DIS3L2: variants seen among roughly 807,000 people sequenced by gnomAD.
DIS3L2 encodes the protein DIS3 like 3'-5' exoribonuclease 2.
A neutral mutation model predicts 97.5 loss-of-function variants in DIS3L2; 34 were observed. The observed-to-expected ratio is 0.35, with a 90% confidence interval of 0.27 to 0.46. The LOEUF (loss-of-function observed/expected upper bound fraction) is 0.46, where lower values mean the gene tolerates loss of function less well. DIS3L2 is among the 20% of genes least tolerant of loss of function. DIS3L2 has a pLI of 1.00. For missense variants in DIS3L2, 1,038 were observed against 1,146.0 expected (o/e 0.91, Z 1.36); for synonymous variants, 435 against 445.2 (o/e 0.98, Z 0.29).
Position 232,211,399 on chromosome 2 carries a change from G to A in DIS3L2, c.1204+994G>A, listed in dbSNP as rs550834457. ...GGGCTCAAGTGATCCATCCACCTCA[G>A]CTTCCCAAAGTTCTGGCATCACAGG... On this transcript the variant is annotated intron_variant, in intron 10 of 20. Coordinates refer to ENST00000325385, the MANE Select transcript of DIS3L2 (RefSeq NM_152383.5). Among the ~76,000 whole-genome samples, 5 of 152,308 alleles carry A rather than the reference G, an allele frequency of 3.3e-5. No individual in the cohort carries two copies. The East Asian group carries it at 7.7e-4, about 24-fold the overall frequency.
At chr2:232,244,623 T>C (rs2106259146) in intron 11 of DIS3L2, among the ~76,000 whole-genome samples, 1 of 152,214 alleles carries the variant, frequency 6.6e-6, no homozygotes, top group South Asian at 2.1e-4. Context: ...AGGGCACACA[T>C]GTAAAGTGAG....
intron 9 of DIS3L2, among the ~76,000 whole-genome samples, chr2:232,207,829 A>G (rs1692072076): frequency 6.6e-6 from 1 of 152,210 alleles, no homozygotes; most frequent in African/African-American, 2.4e-5. Context: ...ATGTACAAAC[A>G]ATATATTTAC....
rs546189825 is a variant in DIS3L2 at position 232,336,879 on chromosome 2, GC to G, written c.*255del. The stretch of plus-strand genomic sequence containing the variant: ...AGGCCCCAGTCCTCCTGGGAGGCTG[GC>G]CCCCCTTTTTTCTGGGCCCTACTGC... On this transcript the variant is annotated 3_prime_UTR_variant, in exon 21 of 21. Coordinates refer to ENST00000325385, the MANE Select transcript of DIS3L2 (RefSeq NM_152383.5). The G allele has an allele frequency of 1.4e-4, 186 of 1,326,876 alleles. 1 individual carries two copies. The South Asian group carries it at 2.8e-3, about 20-fold the overall frequency. The allele number at this position is 1,326,876 out of a possible 1,614,324, so 82.2% of individuals were successfully genotyped here. A position where few individuals can be genotyped will look rare whatever the true frequency, so the allele number is the denominator to read the frequency against.
chr2:232,195,909 G>C (rs1305649759), intron 9 of DIS3L2, among the ~76,000 whole-genome samples: 1 of 152,070 alleles, frequency 6.6e-6, no homozygotes, highest in Non-Finnish European at 1.5e-5. Flanking sequence ...CCCAGGCAAG[G>C]GGGGAGTTTG....
intron 13 of DIS3L2, among the ~76,000 whole-genome samples, chr2:232,299,220 C>T (rs749544391): frequency 3.9e-5 from 6 of 152,226 alleles, no homozygotes; most frequent in Admixed American, 6.5e-5. Flanking sequence ...CCCCCCTGGC[C>T]GCTCCCCTGA....
intron 1 of DIS3L2, among the ~76,000 whole-genome samples, chr2:231,964,611 G>A (rs1169089533): frequency 1.3e-5 from 2 of 152,170 alleles, no homozygotes; most frequent in East Asian, 3.8e-4. Context: ...TAAAACTGAG[G>A]CGTGTGAACC....
chr2:232,061,747 T>C (rs1184034892), intron 5 of DIS3L2, among the ~76,000 whole-genome samples: 1 of 152,210 alleles, frequency 6.6e-6, no homozygotes, highest in Non-Finnish European at 1.5e-5. Flanking sequence ...CTTGTTGGTC[T>C]GAAATGAAAC....
intron 1 of DIS3L2, among the ~76,000 whole-genome samples, chr2:231,989,090 G>A (rs1574790340): frequency 6.6e-6 from 1 of 152,018 alleles, no homozygotes; most frequent in Non-Finnish European, 1.5e-5. Context: ...GTGATGGCTC[G>A]GATTACCGTT....
rs911842550 is a variant in DIS3L2, at chr2:232,146,940, G to T, written c.950+10221G>T. 6.6e-5 allele frequency among the ~76,000 whole-genome samples: 10 copies of T among 152,194 alleles called. No individual in the cohort carries two copies. The East Asian group carries it at 7.7e-4, about 12-fold the overall frequency. On this transcript the variant is annotated intron_variant, in intron 8 of 20. Coordinates refer to ENST00000325385, the MANE Select transcript of DIS3L2 (RefSeq NM_152383.5). ...CTCTCTCAAATAATTAACACCATTT[G>T]TCCCTTTCAGCATTTTCATAAATGT...
intron 13 of DIS3L2, among the ~76,000 whole-genome samples, chr2:232,298,815 A>G (rs1297867131): frequency 6.6e-6 from 1 of 152,252 alleles, no homozygotes; most frequent in Non-Finnish European, 1.5e-5. Context: ...TAAAGCTGTC[A>G]TAACCAACTG....
intron 14 of DIS3L2, among the ~76,000 whole-genome samples, chr2:232,305,965 A>G (rs1408297388): frequency 3.9e-5 from 6 of 152,148 alleles, no homozygotes; most frequent in Non-Finnish European, 8.8e-5. Context: ...AGAAAAAAAA[A>G]AAAAAGATCA....
chr2:232,307,159 G>A (rs979553364), intron 14 of DIS3L2, among the ~76,000 whole-genome samples: 1 of 152,220 alleles, frequency 6.6e-6, no homozygotes, highest in African/African-American at 2.4e-5. Context: ...TTGCTTGTTG[G>A]CTTCCGCCAC....
At chr2:232,213,257 T>C (rs1340037342) in intron 10 of DIS3L2, among the ~76,000 whole-genome samples, 1 of 152,180 alleles carries the variant, frequency 6.6e-6, no homozygotes, top group African/African-American at 2.4e-5. Flanking sequence ...AAAAATATTA[T>C]GAGGTGCCAG....
intron 9 of DIS3L2, among the ~76,000 whole-genome samples, chr2:232,208,305 C>T (rs539701624): frequency 6.6e-6 from 1 of 151,932 alleles, no homozygotes; most frequent in Non-Finnish European, 1.5e-5. Context: ...TCTCCTCCCC[C>T]CACCCTTTTT....
intron 3 of DIS3L2, among the ~76,000 whole-genome samples, chr2:232,023,507 T>C (rs923282585): frequency 6.6e-6 from 1 of 152,226 alleles, no homozygotes; most frequent in Non-Finnish European, 1.5e-5. Context: ...CTTCCATCCA[T>C]GTGTTCCAGT....
At chr2:232,250,515 C>T (rs2106266103) in intron 12 of DIS3L2, among the ~76,000 whole-genome samples, 1 of 145,850 alleles carries the variant, frequency 6.9e-6, no homozygotes, top group Middle Eastern at 3.6e-3. Flanking sequence ...GTTTATGCAG[C>T]AGAACCCTAA....
At chr2:232,047,876 T>A (rs1289437630) in intron 5 of DIS3L2, among the ~76,000 whole-genome samples, 2 of 152,246 alleles carry the variant, frequency 1.3e-5, no homozygotes, top group African/African-American at 2.4e-5. Context: ...TCAGAGTTCT[T>A]CCACGTTGTA....
intron 5 of DIS3L2, among the ~76,000 whole-genome samples, chr2:232,066,825 T>C (rs924076001): frequency 6.6e-6 from 1 of 152,046 alleles, no homozygotes; most frequent in Non-Finnish European, 1.5e-5. Context: ...CTAAAGGCTT[T>C]TAAATTTTTC....
At chr2:232,083,307 C>T (rs1054481900) in intron 5 of DIS3L2, among the ~76,000 whole-genome samples, 2 of 135,346 alleles carry the variant, frequency 1.5e-5, no homozygotes, top group African/African-American at 5.4e-5. Flanking sequence ...CATATACATA[C>T]ATGCAGAGAA....
Sources: gnomAD v4.1 joint callset for allele counts (sites outside exome capture counted in the v4.1 genomes callset) on GRCh38, gnomAD v4.1.1 for gene constraint, MANE v1.5 for transcripts, NCBI Gene and HGNC (gene_info 2026-07-23, HGNC 2026-07-21) for gene names.